Variants in MED13L observed in about 807,000 individuals in gnomAD.
MED13L encodes the protein mediator complex subunit 13L.
In MED13L, 7 loss-of-function variants were observed where a neutral mutation model predicts 220.9. The observed-to-expected ratio is 0.03, with a 90% CI of 0.02 to 0.06. MED13L has a LOEUF of 0.06. MED13L is among the 10% of genes least tolerant of loss of function. The pLI, the probability that MED13L is intolerant of heterozygous loss-of-function variation, is 1.00. For missense variants in MED13L, 1,965 were observed against 2,760.5 expected (o/e 0.71, Z 6.46); for synonymous variants, 1,011 against 1,015.2 (o/e 1.00, Z 0.08).
chr12:116,003,115 G>A lies in MED13L; in HGVS notation c.2470-13C>T, dbSNP rs757038374. 3.5e-5 allele frequency: 57 copies of A among 1,608,478 alleles called. No individual in the cohort carries two copies. In the East Asian group the frequency reaches 8.5e-4, roughly 24 times the overall value. On this transcript the variant is annotated splice_polypyrimidine_tract_variant and intron_variant, in intron 13 of 30. Coordinates refer to ENST00000281928, the MANE Select transcript of MED13L (RefSeq NM_015335.5). ...CAGGTGATACAGCCTAAGAACAGAC[G>A]GTGTTATTAAAACAGAGTGACGTGT... is the stretch of plus-strand genomic sequence containing the variant.
At chr12:115,979,078 G>A (rs1324291483) in intron 23 of MED13L, among the ~76,000 whole-genome samples, 1 of 152,178 alleles carries the variant, frequency 6.6e-6, no homozygotes, top group African/African-American at 2.4e-5. Flanking sequence ...GCTGCAGACT[G>A]AGGCAGAGGC....
chr12:116,228,615 A>G (rs1343592581), intron 2 of MED13L, among the ~76,000 whole-genome samples: 1 of 152,100 alleles, frequency 6.6e-6, no homozygotes, highest in Admixed American at 6.5e-5. Flanking sequence ...TTTTTATTTC[A>G]TCTCCTATAT....
chr12:115,987,211 T>C lies in MED13L; in HGVS notation c.4012A>G (p.Ile1338Val), dbSNP rs1358577731. The change falls in exon 18 of 31, where the codon ATC becomes GTC. Residue 1338 changes from isoleucine (I) to valine (V), a missense_variant. Coordinates refer to ENST00000281928, the MANE Select transcript of MED13L (RefSeq NM_015335.5). ...LSLQPFLQDA[I>V]QKKRTGRTWE... is the part of the protein sequence containing the mutation. The stretch of plus-strand genomic sequence containing the variant: ...GTCCTGCCCGTGCGCTTCTTTTGGA[T>C]GGCATCTTGGAGAAAGGGCTGCAGG... 1 of 1,614,064 alleles carries C rather than the reference T, an allele frequency of 6.2e-7. No homozygotes were observed. Among genetic ancestry groups the C allele is most frequent in the Non-Finnish European group, 8.5e-7 (1 of 1,180,002 alleles).
chr12:115,969,841 A>G (rs1446239447), intron 27 of MED13L, among the ~76,000 whole-genome samples: 4 of 152,090 alleles, frequency 2.6e-5, no homozygotes, highest in Admixed American at 2.6e-4. Flanking sequence ...TTCATTAAGA[A>G]ATCCTCCCCA....
At chr12:116,098,840 A>T (rs1026356730) in intron 3 of MED13L, among the ~76,000 whole-genome samples, 1 of 152,212 alleles carries the variant, frequency 6.6e-6, no homozygotes, top group Non-Finnish European at 1.5e-5. Flanking sequence ...GAAATATGGC[A>T]CACCCACCCA....
chr12:115,987,018 T>C, intron 18 of MED13L, 91 bp downstream of exon 18: 1 of 1,298,036 alleles, frequency 7.7e-7, no homozygotes, highest in Non-Finnish European at 1.1e-6. Context: ...CCTATTTTGT[T>C]AGTGACGCAA....
rs1283031904 is a variant in MED13L at position 116,277,012 on chromosome 12, C to G, written c.72+48G>C. ...TTGGTCGGCGGCGGAGGTCGGGGAC[C>G]CCCCCCCTTCCCCGGCACAGCCCCC... On this transcript the variant is annotated intron_variant, in intron 1 of 30. Transcript: ENST00000281928. 6.3e-6 allele frequency: 8 copies of G among 1,263,372 alleles called. No homozygotes were observed. In the East Asian group the frequency reaches 1.5e-4, roughly 24 times the overall value. 78.3% of individuals were successfully genotyped at this position (1,263,372 alleles called of 1,614,324 possible).
intron 1 of MED13L, among the ~76,000 whole-genome samples, chr12:116,245,425 A>C (rs1402899100): frequency 6.6e-6 from 1 of 152,216 alleles, no homozygotes; most frequent in Non-Finnish European, 1.5e-5. Flanking sequence ...TTCTTAGTCC[A>C]CCATTCCTAA....
chr12:116,080,016 T>C (rs532467760), intron 4 of MED13L, among the ~76,000 whole-genome samples: 1 of 152,006 alleles, frequency 6.6e-6, no homozygotes, highest in African/African-American at 2.4e-5. Flanking sequence ...CTTAAAACAT[T>C]TGAGGTTTTT....
chr12:116,068,222 C>G (rs956619668), intron 4 of MED13L, among the ~76,000 whole-genome samples: 1 of 152,180 alleles, frequency 6.6e-6, no homozygotes, highest in Non-Finnish European at 1.5e-5. Context: ...GCCTCAGATG[C>G]ATCTGACAGC....
At chr12:116,037,750 G>A (rs547985504) in intron 4 of MED13L, among the ~76,000 whole-genome samples, 20 of 152,194 alleles carry the variant, frequency 1.3e-4, no homozygotes, top group Admixed American at 5.2e-4. Flanking sequence ...ACTGGCCTAC[G>A]GGACTTAATT....
chr12:116,066,133 GCA>G (rs1869906731), intron 4 of MED13L, among the ~76,000 whole-genome samples: 1 of 152,160 alleles, frequency 6.6e-6, no homozygotes, highest in Non-Finnish European at 1.5e-5. Flanking sequence ...ACACACGTGT[GCA>G]CACACAGAGT....
intron 2 of MED13L, among the ~76,000 whole-genome samples, chr12:116,175,084 T>A (rs1167257834): frequency 6.6e-6 from 1 of 151,820 alleles, no homozygotes; most frequent in Admixed American, 6.6e-5. Context: ...AGAAAATACA[T>A]AAATATATTC....
intron 2 of MED13L, among the ~76,000 whole-genome samples, chr12:116,228,929 C>T (rs1869270363): frequency 6.6e-6 from 1 of 152,088 alleles, no homozygotes; most frequent in South Asian, 2.1e-4. Flanking sequence ...TCTTAATGAT[C>T]AACAACCTCT....
chr12:116,216,202 C>T (rs1019671085), intron 2 of MED13L, among the ~76,000 whole-genome samples: 2 of 152,078 alleles, frequency 1.3e-5, no homozygotes, highest in Non-Finnish European at 2.9e-5. Context: ...TATTTAGAGA[C>T]GGGGTCTCAC....
intron 1 of MED13L, among the ~76,000 whole-genome samples, chr12:116,267,311 G>C (rs1356215451): frequency 6.6e-6 from 1 of 152,100 alleles, no homozygotes; most frequent in African/African-American, 2.4e-5. Context: ...CTCAATCTTG[G>C]CTTATTTACG....
At chr12:115,970,863 G>A (rs892917552) in intron 26 of MED13L, 93 bp from the exon 27 acceptor site, 1 of 1,196,268 alleles carries the variant, frequency 8.4e-7, no homozygotes, top group Non-Finnish European at 1.2e-6. Flanking sequence ...TGAGTCTGAT[G>A]AAAATGCCAT....
In MED13L at chr12:116,200,797, C is replaced by T. The variant is rs142576160; in HGVS notation, c.310+36671G>A. Among the ~76,000 whole-genome samples, 109 of 152,128 alleles carry T rather than the reference C, an allele frequency of 7.2e-4. 2 individuals carry two copies. The South Asian group carries it at 0.015, about 21-fold the overall frequency. ...AATAGTTTATAAAATAAAAGCACTACGCAGCAAGTTAGATTTTTTTAATAC... is the reference window on the plus strand; with the variant it reads ...AATAGTTTATAAAATAAAAGCACTATGCAGCAAGTTAGATTTTTTTAATAC... On this transcript the variant is annotated intron_variant, in intron 2 of 30. Transcript: ENST00000281928.
At chr12:116,197,287 C>G (rs1266802640) in intron 2 of MED13L, among the ~76,000 whole-genome samples, 1 of 152,352 alleles carries the variant, frequency 6.6e-6, no homozygotes, top group Non-Finnish European at 1.5e-5. Context: ...ACAAGATACA[C>G]AGCACACGCT....
Sources: allele counts gnomAD v4.1 joint callset (sites outside exome capture counted in the v4.1 genomes callset), GRCh38; gene constraint gnomAD v4.1.1; transcripts MANE v1.5; gene names NCBI Gene and HGNC (gene_info 2026-07-23, HGNC 2026-07-21).